The following SNTG2 variants were observed in gnomAD, a reference collection of about 807,000 sequenced individuals.
SNTG2 encodes gamma-2-syntrophin.
SNTG2 carries 74 observed loss-of-function variants against 70.9 expected under a neutral mutation model. The ratio of observed to expected loss-of-function variants is 1.04; its 90% CI spans 0.86 to 1.27. The LOEUF is 1.27. Ranked by LOEUF, SNTG2 falls within the 50% of genes most tolerant of loss-of-function variation. The pLI is 0.00. For missense variants in SNTG2, 717 were observed against 690.7 expected, an observed-to-expected ratio of 1.04 and a Z score of -0.43; for synonymous variants, 278 against 273.8, an observed-to-expected ratio of 1.02 and a Z score of -0.15.
intron 1 of SNTG2, among the ~76,000 whole-genome samples, chr2:1,078,528 C>T (rs182480795): frequency 3.9e-4 from 59 of 151,964 alleles, no homozygotes; most frequent in Non-Finnish European, 1.5e-5. Context: ...CAGGCAGGCA[C>T]GGCGGCGCTG....
At chr2:962,793 CT>C (rs530367285) in intron 1 of SNTG2, among the ~76,000 whole-genome samples, 33 of 152,104 alleles carry the variant, frequency 2.2e-4, no homozygotes, top group Non-Finnish European at 3.8e-4. Context: ...CCTGTCCTGG[CT>C]TCTAATTTGA....
intron 14 of SNTG2, among the ~76,000 whole-genome samples, chr2:1,276,076 A>G (rs1404709666): frequency 2.0e-5 from 3 of 152,236 alleles, no homozygotes; most frequent in African/African-American, 7.2e-5. Context: ...AAGCTAGCAG[A>G]GGTGGGTTCA....
intron 4 of SNTG2, among the ~76,000 whole-genome samples, chr2:1,123,937 A>G (rs2148294838): frequency 6.6e-6 from 1 of 152,334 alleles, no homozygotes; most frequent in African/African-American, 2.4e-5. Context: ...AATTGAACTC[A>G]TGGAAGCAGA....
At chr2:1,123,952 A>G (rs577414156) in intron 4 of SNTG2, among the ~76,000 whole-genome samples, 1 of 152,346 alleles carries the variant, frequency 6.6e-6, no homozygotes, top group South Asian at 2.1e-4. Flanking sequence ...AGCAGAGAGT[A>G]GAATGATGGT....
chr2:1,069,325 A>G (rs1663363221), intron 1 of SNTG2, among the ~76,000 whole-genome samples: 1 of 145,962 alleles, frequency 6.9e-6, no homozygotes, highest in East Asian at 2.0e-4. Flanking sequence ...AATGAAAAAA[A>G]TTCTTATATA....
chr2:979,237 T>C (rs768824548), intron 1 of SNTG2, among the ~76,000 whole-genome samples: 22 of 152,308 alleles, frequency 1.4e-4, no homozygotes, highest in South Asian at 1.2e-3. Context: ...GTGGTATAAA[T>C]ACATCTATAG....
intron 1 of SNTG2, among the ~76,000 whole-genome samples, chr2:995,591 C>T (rs761709454): frequency 6.6e-6 from 1 of 151,874 alleles, no homozygotes; most frequent in Non-Finnish European, 1.5e-5. Flanking sequence ...ATTATTTCCT[C>T]TTGATGTTTT....
intron 1 of SNTG2, among the ~76,000 whole-genome samples, chr2:982,037 C>T (rs2147967936): frequency 6.6e-6 from 1 of 152,282 alleles, no homozygotes; most frequent in Middle Eastern, 3.4e-3. Flanking sequence ...CACTCACAAG[C>T]ACTTGTGCAC....
intron 16 of SNTG2, among the ~76,000 whole-genome samples, chr2:1,354,052 C>G (rs1243098944): frequency 6.6e-6 from 1 of 152,206 alleles, no homozygotes; most frequent in African/African-American, 2.4e-5. Context: ...GGGAAAAATT[C>G]AGGGTGTTAA....
intron 14 of SNTG2, among the ~76,000 whole-genome samples, chr2:1,303,200 C>T (rs1680532999): frequency 1.3e-5 from 2 of 152,210 alleles, no homozygotes; most frequent in African/African-American, 4.8e-5. Flanking sequence ...TAAACATTAT[C>T]TTCAAGTGTC....
intron 16 of SNTG2, among the ~76,000 whole-genome samples, chr2:1,319,951 A>G (rs922868454): frequency 5.9e-5 from 9 of 152,244 alleles, no homozygotes; most frequent in Non-Finnish European, 1.2e-4. Flanking sequence ...TGTTAGCAAT[A>G]TGTTGTCTTA....
chr2:1,223,994 A>G (rs1197188999), intron 9 of SNTG2, among the ~76,000 whole-genome samples: 1 of 149,272 alleles, frequency 6.7e-6, no homozygotes. Flanking sequence ...GAAGGCTGCA[A>G]GTGCAGGGTC....
intron 16 of SNTG2, among the ~76,000 whole-genome samples, chr2:1,326,742 A>C (rs1310901292): frequency 2.6e-5 from 4 of 152,226 alleles, no homozygotes; most frequent in Admixed American, 1.3e-4. Flanking sequence ...AGCAAATTTT[A>C]ATAAAATCTT....
At position 1,137,729 on chromosome 2, in the gene SNTG2, A is replaced by G. The variant is rs767450355; in HGVS notation, c.370-39A>G. ...TTTTATTTTTAACTTGTATTAATCA[A>G]TCGTTATTCTCAACATTCTTACTTT... On this transcript the variant is annotated intron_variant, in intron 5 of 16. Coordinates refer to ENST00000308624, the MANE Select transcript of SNTG2 (RefSeq NM_018968.4). The G allele has an allele frequency of 1.1e-5, 18 of 1,613,530 alleles. No homozygotes were observed. The East Asian group carries it at 1.6e-4, about 14-fold the overall frequency.
intron 14 of SNTG2, among the ~76,000 whole-genome samples, chr2:1,281,830 C>A (rs541436922): frequency 6.6e-6 from 1 of 152,082 alleles, no homozygotes; most frequent in Non-Finnish European, 1.5e-5. Context: ...CGGACACTGG[C>A]CCCACCCAGC....
chr2:1,081,324 G>A (rs1292538171), intron 1 of SNTG2, among the ~76,000 whole-genome samples: 5 of 152,172 alleles, frequency 3.3e-5, no homozygotes, highest in East Asian at 1.9e-4. Context: ...TGGTGAGAAC[G>A]CACATCAAAG....
intron 16 of SNTG2, among the ~76,000 whole-genome samples, chr2:1,351,466 C>T (rs935284245): frequency 5.3e-5 from 8 of 152,070 alleles, no homozygotes; most frequent in Non-Finnish European, 2.9e-5. Flanking sequence ...AGGTAAATCA[C>T]GGAGTAACCT....
At chr2:1,272,530 C>A (rs918138354) in intron 14 of SNTG2, among the ~76,000 whole-genome samples, 2 of 151,118 alleles carry the variant, frequency 1.3e-5, no homozygotes, top group Admixed American at 6.6e-5. Context: ...AAAGGACATC[C>A]CAGGAAACAG....
intron 11 of SNTG2, among the ~76,000 whole-genome samples, chr2:1,244,341 G>A (rs1677263045): frequency 1.3e-5 from 2 of 152,014 alleles, no homozygotes; most frequent in South Asian, 4.1e-4. Flanking sequence ...CGAGGATATT[G>A]GTGTGACTCC....
Sources: gnomAD v4.1 joint callset for allele counts (sites outside exome capture counted in the v4.1 genomes callset) on GRCh38, gnomAD v4.1.1 for gene constraint, MANE v1.5 for transcripts, NCBI Gene and HGNC (gene_info 2026-07-23, HGNC 2026-07-21) for gene names.